GALNT7: variants seen among roughly 807,000 people sequenced by gnomAD.
The protein encoded by GALNT7 is polypeptide N-acetylgalactosaminyltransferase 7.
In GALNT7, 60 loss-of-function variants were observed where a neutral mutation model predicts 82.1. The observed-to-expected ratio is 0.73, with a 90% CI of 0.59 to 0.91. GALNT7 has a LOEUF of 0.91. Ranked by LOEUF, GALNT7 falls within the 40% of genes least tolerant of loss-of-function variation. The pLI is 0.00. For missense variants in GALNT7, 660 were observed against 804.2 expected (o/e 0.82, Z 2.17); for synonymous variants, 243 against 275.1 (o/e 0.88, Z 1.15).
At chr4:173,234,172 A>T (rs1734133613) in intron 1 of GALNT7, among the ~76,000 whole-genome samples, 2 of 152,142 alleles carry the variant, frequency 1.3e-5, no homozygotes, top group African/African-American at 4.8e-5. Flanking sequence ...ATATTGGGCT[A>T]GTCATCTGTC....
intron 2 of GALNT7, among the ~76,000 whole-genome samples, chr4:173,271,615 C>T (rs185523302): frequency 2.6e-5 from 4 of 152,110 alleles, no homozygotes; most frequent in Non-Finnish European, 2.9e-5. Flanking sequence ...CACCATCAGG[C>T]GTGGCTAATT....
chr4:173,268,860 A>G (rs1735614438), intron 2 of GALNT7, among the ~76,000 whole-genome samples: 1 of 152,116 alleles, frequency 6.6e-6, no homozygotes, highest in Non-Finnish European at 1.5e-5. Context: ...CTATGAGCAG[A>G]AACAAGAAAC....
At chr4:173,183,707 A>G (rs1221174802) in intron 1 of GALNT7, among the ~76,000 whole-genome samples, 1 of 133,320 alleles carries the variant, frequency 7.5e-6, no homozygotes, top group African/African-American at 2.8e-5. Context: ...GCGCCCCCCC[A>G]CCTCCCAGAC....
chr4:173,232,763 T>G (rs771066808), intron 1 of GALNT7, among the ~76,000 whole-genome samples: 29 of 152,146 alleles, frequency 1.9e-4, no homozygotes, highest in Middle Eastern at 3.2e-3. Flanking sequence ...GCCTCAGATC[T>G]TTTCTTCTAG....
intron 2 of GALNT7, among the ~76,000 whole-genome samples, chr4:173,250,152 C>T (rs1329653521): frequency 1.3e-5 from 2 of 152,050 alleles, no homozygotes; most frequent in African/African-American, 4.8e-5. Context: ...AACTGTGAGT[C>T]GCCCCTAGGT....
intron 1 of GALNT7, among the ~76,000 whole-genome samples, chr4:173,173,259 C>A (rs1269208911): frequency 6.8e-6 from 1 of 146,522 alleles, no homozygotes; most frequent in African/African-American, 2.5e-5. Flanking sequence ...TTTTTTTAGT[C>A]TTTGCCCTCT....
At chr4:173,268,134 C>T (rs1488137985) in intron 2 of GALNT7, 3 of 154,664 alleles carry the variant, frequency 1.9e-5, no homozygotes, top group Middle Eastern at 5.1e-4. Flanking sequence ...CTATAATTTG[C>T]GTCAAGAGAA....
At chr4:173,246,341 T>A (rs1368126069) in intron 1 of GALNT7, among the ~76,000 whole-genome samples, 2 of 152,220 alleles carry the variant, frequency 1.3e-5, no homozygotes, top group African/African-American at 4.8e-5. Flanking sequence ...TCTTACAGGT[T>A]CCTTTTTTAA....
At chr4:173,182,609 T>G (rs1732281181) in intron 1 of GALNT7, among the ~76,000 whole-genome samples, 1 of 152,084 alleles carries the variant, frequency 6.6e-6, no homozygotes, top group African/African-American at 2.4e-5. Context: ...ACTTGCCATG[T>G]GGGCACACAG....
chr4:173,223,186 A>C (rs1278649408), intron 1 of GALNT7, among the ~76,000 whole-genome samples: 1 of 152,204 alleles, frequency 6.6e-6, no homozygotes, highest in East Asian at 1.9e-4. Flanking sequence ...TACACACTGT[A>C]GTCATCAAAA....
intron 8 of GALNT7, among the ~76,000 whole-genome samples, chr4:173,311,110 G>T (rs1218343186): frequency 6.6e-6 from 1 of 152,166 alleles, no homozygotes; most frequent in Non-Finnish European, 1.5e-5. Context: ...AATACACCAT[G>T]ATTTGTCATA....
intron 1 of GALNT7, among the ~76,000 whole-genome samples, chr4:173,183,797 T>G (rs1487384225): frequency 6.7e-6 from 1 of 148,736 alleles, no homozygotes; most frequent in South Asian, 2.1e-4. Flanking sequence ...CCCACCTCCC[T>G]GACGGCGCGG....
intron 8 of GALNT7, among the ~76,000 whole-genome samples, chr4:173,310,611 A>G (rs1737347849): frequency 6.6e-6 from 1 of 152,204 alleles, no homozygotes; most frequent in African/African-American, 2.4e-5. Flanking sequence ...ATAATAGCTA[A>G]CATATGGTAA....
chr4:173,265,051 T>C (rs1211343322), intron 2 of GALNT7, among the ~76,000 whole-genome samples: 2 of 152,242 alleles, frequency 1.3e-5, no homozygotes, highest in Admixed American at 6.5e-5. Flanking sequence ...TTGCGCTTCA[T>C]GTACAAGCCA....
At chr4:173,251,978 A>G (rs894861418) in intron 2 of GALNT7, among the ~76,000 whole-genome samples, 3 of 152,222 alleles carry the variant, frequency 2.0e-5, no homozygotes, top group African/African-American at 7.2e-5. Context: ...AAAAAAAATG[A>G]GATAGGCTTC....
intron 1 of GALNT7, among the ~76,000 whole-genome samples, chr4:173,179,154 G>C (rs1217886051): frequency 1.3e-5 from 2 of 152,200 alleles, no homozygotes; most frequent in African/African-American, 4.8e-5. Flanking sequence ...TATGAAAACT[G>C]TGTATTCGCT....
chr4:173,245,315 A>C (rs1371004905), intron 1 of GALNT7, among the ~76,000 whole-genome samples: 2 of 152,092 alleles, frequency 1.3e-5, no homozygotes, highest in Non-Finnish European at 2.9e-5. Flanking sequence ...AAAAATATTT[A>C]AATTTGCAAT....
intron 2 of GALNT7, among the ~76,000 whole-genome samples, chr4:173,285,977 A>T (rs1271438953): frequency 6.6e-6 from 1 of 152,218 alleles, no homozygotes; most frequent in Non-Finnish European, 1.5e-5. Context: ...ATCAAGAATG[A>T]TAAGACACAG....
At chr4:173,269,198 CA>C (rs1415451378) in intron 2 of GALNT7, among the ~76,000 whole-genome samples, 1 of 152,110 alleles carries the variant, frequency 6.6e-6, no homozygotes, top group Admixed American at 6.5e-5. Context: ...TAATTTATTT[CA>C]AAAATGAAAT....
Sources: gnomAD v4.1 joint callset for allele counts (sites outside exome capture counted in the v4.1 genomes callset) on GRCh38, gnomAD v4.1.1 for gene constraint, MANE v1.5 for transcripts, NCBI Gene and HGNC (gene_info 2026-07-23, HGNC 2026-07-21) for gene names.